The following HPSE2 variants were observed in gnomAD, a reference collection of about 807,000 sequenced individuals.
The protein encoded by HPSE2 is heparanase 2 (inactive).
A neutral mutation model predicts 60.5 loss-of-function variants in HPSE2; 38 were observed. The ratio of observed to expected loss-of-function variants is 0.63; its 90% CI spans 0.48 to 0.82. The LOEUF (loss-of-function observed/expected upper bound fraction) is 0.82, where lower values mean the gene tolerates loss of function less well. HPSE2 is among the 40% of genes least tolerant of loss of function. The pLI is 0.00. For missense variants in HPSE2, 713 were observed against 740.4 expected, an observed-to-expected ratio of 0.96 and a Z score of 0.43; for synonymous variants, 295 against 293.2, an observed-to-expected ratio of 1.01 and a Z score of -0.06.
chr10:98,504,242 A>G (rs778843581), intron 9 of HPSE2, among the ~76,000 whole-genome samples: 1 of 152,100 alleles, frequency 6.6e-6, no homozygotes, highest in Non-Finnish European at 1.5e-5. Context: ...TGTCTTCCAC[A>G]TTGCTATACC....
intron 3 of HPSE2, among the ~76,000 whole-genome samples, chr10:98,908,916 C>G (rs1322783558): frequency 6.6e-6 from 1 of 151,944 alleles, no homozygotes; most frequent in African/African-American, 2.4e-5. Flanking sequence ...CCTTAAACAC[C>G]CTCTCCCCTA....
intron 2 of HPSE2, among the ~76,000 whole-genome samples, chr10:99,216,476 T>A (rs922821432): frequency 3.1e-5 from 2 of 64,586 alleles, no homozygotes; most frequent in African/African-American, 1.6e-4. Context: ...ATTACAGGCA[T>A]GAGCCACTGC....
chr10:99,042,236 G>A (rs1050815197), intron 3 of HPSE2, among the ~76,000 whole-genome samples: 1 of 152,102 alleles, frequency 6.6e-6, no homozygotes, highest in Admixed American at 6.5e-5. Context: ...CCGTCCTATG[G>A]AGAAGAGGCC....
At chr10:98,836,155 C>G (rs1951785476) in intron 3 of HPSE2, among the ~76,000 whole-genome samples, 1 of 152,182 alleles carries the variant, frequency 6.6e-6, no homozygotes. Flanking sequence ...ACAAATAAAG[C>G]TCACTCCCTC....
At chr10:99,040,019 C>T (rs1232253504) in intron 3 of HPSE2, among the ~76,000 whole-genome samples, 1 of 152,152 alleles carries the variant, frequency 6.6e-6, no homozygotes, top group Non-Finnish European at 1.5e-5. Context: ...ATTCACTCTT[C>T]CATAATTTTT....
chr10:99,008,359 A>T (rs2135392488), intron 3 of HPSE2, among the ~76,000 whole-genome samples: 1 of 152,312 alleles, frequency 6.6e-6, no homozygotes, highest in South Asian at 2.1e-4. Context: ...CCAAACCTTG[A>T]TCAACGCCAG....
chr10:99,053,503 G>A (rs568002680), intron 3 of HPSE2, among the ~76,000 whole-genome samples: 2 of 151,782 alleles, frequency 1.3e-5, no homozygotes, highest in African/African-American at 2.4e-5. Flanking sequence ...ACAACAAAAC[G>A]ACACCTAGAA....
intron 2 of HPSE2, among the ~76,000 whole-genome samples, chr10:99,161,273 C>G (rs541392193): frequency 6.7e-6 from 1 of 149,422 alleles, no homozygotes; most frequent in Non-Finnish European, 1.5e-5. Flanking sequence ...TTATGCATAA[C>G]AGCCAAAACT....
intron 3 of HPSE2, among the ~76,000 whole-genome samples, chr10:99,104,110 T>C (rs7078751): frequency 0.51 from 77,232 of 151,946 alleles, 21,409 homozygotes; most frequent in East Asian, 0.65. Context: ...AAAGCAATGG[T>C]AACAAAAGCC....
At chr10:98,501,083 A>G (rs1365866624) in intron 9 of HPSE2, among the ~76,000 whole-genome samples, 1 of 151,762 alleles carries the variant, frequency 6.6e-6, no homozygotes, top group African/African-American at 2.4e-5. Context: ...AAAGTCCAAG[A>G]CTACACGGAT....
chr10:98,466,627 AG>A (rs368224246), intron 11 of HPSE2, among the ~76,000 whole-genome samples: 74 of 150,778 alleles, frequency 4.9e-4, no homozygotes, highest in African/African-American at 1.8e-3. Context: ...AAAAAAAAAA[AG>A]AAAAGAAAAT....
rs146791833 is a variant in HPSE2, at chr10:99,088,922, C to T, written c.610+55316G>A. 9.7e-4 allele frequency among the ~76,000 whole-genome samples: 148 copies of T among 152,130 alleles called. 7 individuals carry two copies. The East Asian group carries it at 0.016, about 16-fold the overall frequency. ...GTAAGATGGTATCACATGCATTTCC[C>T]TGATAATTAATGAGGTTGAACATTT... On this transcript the variant is annotated intron_variant, in intron 3 of 11. Transcript: ENST00000370552.
intron 2 of HPSE2, among the ~76,000 whole-genome samples, chr10:99,172,792 C>T (rs749932271): frequency 5.3e-5 from 8 of 152,128 alleles, no homozygotes; most frequent in Non-Finnish European, 8.8e-5. Context: ...GCAGGAGCAT[C>T]GCTTGAACCT....
chr10:98,818,973 C>A (rs1537890), intron 3 of HPSE2, among the ~76,000 whole-genome samples: 31,819 of 152,132 alleles, frequency 0.21, 3,501 homozygotes, highest in African/African-American at 0.25. Context: ...AAATAATGAA[C>A]CTACAGCTTC....
chr10:98,882,532 T>C (rs1177672335), intron 3 of HPSE2, among the ~76,000 whole-genome samples: 2 of 152,056 alleles, frequency 1.3e-5, no homozygotes, highest in African/African-American at 4.8e-5. Flanking sequence ...AGTGACTCTC[T>C]GGGGCATGTT....
intron 3 of HPSE2, among the ~76,000 whole-genome samples, chr10:98,966,328 T>A (rs1955813666): frequency 6.6e-6 from 1 of 151,976 alleles, no homozygotes. Context: ...AGAAAAATAG[T>A]TTTGCAAAAT....
intron 3 of HPSE2, among the ~76,000 whole-genome samples, chr10:98,753,068 G>C (rs1309098785): frequency 4.6e-5 from 7 of 152,252 alleles, no homozygotes; most frequent in Middle Eastern, 3.4e-3. Flanking sequence ...GGGTGAGGAG[G>C]TGTTGATTAA....
At chr10:98,749,958 T>TATATATATA (rs1949720955) in intron 3 of HPSE2, among the ~76,000 whole-genome samples, 1 of 20,962 alleles carries the variant, frequency 4.8e-5, no homozygotes, top group Non-Finnish European at 1.8e-4. Flanking sequence ...ACACACACAC[T>TATATATATA]TACACACACA....
At chr10:99,122,872 G>T (rs921533312) in intron 3 of HPSE2, among the ~76,000 whole-genome samples, 9 of 151,986 alleles carry the variant, frequency 5.9e-5, no homozygotes, top group Non-Finnish European at 8.8e-5. Flanking sequence ...TGAGAGAGTA[G>T]TTAATAAGCC....
Sources: allele counts gnomAD v4.1 joint callset (sites outside exome capture counted in the v4.1 genomes callset), GRCh38; gene constraint gnomAD v4.1.1; transcripts MANE v1.5; gene names NCBI Gene and HGNC (gene_info 2026-07-23, HGNC 2026-07-21).